The following CEP112 variants were observed in gnomAD, a reference collection of about 807,000 sequenced individuals.
CEP112 encodes centrosomal protein 112.
A neutral mutation model predicts 153.0 loss-of-function variants in CEP112; 127 were observed. That is an observed-to-expected ratio of 0.83 (90% CI 0.72 to 0.96). CEP112 has a LOEUF of 0.96. Ranked by LOEUF, CEP112 falls within the 40% of genes least tolerant of loss-of-function variation. The probability of loss-of-function intolerance (pLI) is 0.00; values close to 1 mark genes in which losing one functional copy is unlikely to be tolerated. For missense variants in CEP112, 1,089 were observed against 1,101.2 expected (o/e 0.99, Z 0.16); for synonymous variants, 358 against 374.4 (o/e 0.96, Z 0.51).
chr17:65,908,321 G>A (rs34865254), intron 19 of CEP112, among the ~76,000 whole-genome samples: 51,600 of 152,108 alleles, frequency 0.34, 11,270 homozygotes, highest in Non-Finnish European at 0.5. Flanking sequence ...AGCTAGGGTT[G>A]ACGGCTTGGT....
chr17:65,970,188 C>T (rs546885669), intron 17 of CEP112, among the ~76,000 whole-genome samples: 4 of 133,556 alleles, frequency 3.0e-5, no homozygotes, highest in East Asian at 3.6e-4. Context: ...GTATTACATG[C>T]ATATATGCTG....
intron 23 of CEP112, among the ~76,000 whole-genome samples, chr17:65,722,461 T>C (rs1598400394): frequency 6.6e-6 from 1 of 151,996 alleles, no homozygotes; most frequent in Non-Finnish European, 1.5e-5. Context: ...GTTGGCCAGG[T>C]TGGTCTCGAA....
chr17:65,699,751 C>T (rs898132780), intron 23 of CEP112, among the ~76,000 whole-genome samples: 3 of 152,130 alleles, frequency 2.0e-5, no homozygotes, highest in South Asian at 2.1e-4. Flanking sequence ...CATCAGCCTC[C>T]CAAGAAGCTG....
rs1429305467 is a variant in CEP112 at position 65,752,012 on chromosome 17, TTTCA to T, written c.2395-1292_2395-1289del. 1.8e-3 allele frequency among the ~76,000 whole-genome samples: 201 copies of T among 109,442 alleles called. 1 individual carries two copies. The highest frequency in any genetic ancestry group is 4.2e-3 in the Middle Eastern group (1 of 236). 71.8% of individuals were successfully genotyped at this position (109,442 alleles called of 152,430 possible). A position where few individuals can be genotyped will look rare whatever the true frequency, so the allele number is the denominator to read the frequency against. ...TATCTATCTATCTATCTACTGTTCC[TTTCA>T]TCCATCCATCCATCCATCCATCCAT... On this transcript the variant is annotated intron_variant, in intron 21 of 26. Coordinates refer to ENST00000535342, the MANE Select transcript of CEP112 (RefSeq NM_001199165.4).
chr17:66,104,598 G>A (rs2068701816), intron 6 of CEP112, among the ~76,000 whole-genome samples: 2 of 152,088 alleles, frequency 1.3e-5, no homozygotes, highest in South Asian at 4.1e-4. Context: ...GGAAGGGAGA[G>A]GGAAGACAAA....
chr17:65,769,617 T>C (rs148371748), intron 21 of CEP112, among the ~76,000 whole-genome samples: 1 of 152,130 alleles, frequency 6.6e-6, no homozygotes, highest in African/African-American at 2.4e-5. Context: ...TCCAAACATA[T>C]ATGGCCAACT....
chr17:66,155,643 A>T (rs230570), intron 4 of CEP112, among the ~76,000 whole-genome samples: 1 of 152,148 alleles, frequency 6.6e-6, no homozygotes, highest in Admixed American at 6.5e-5. Flanking sequence ...CTAAGATCCA[A>T]CGGCTTGAAA....
chr17:65,826,341 G>A, intron 21 of CEP112: 1 of 1,612,380 alleles, frequency 6.2e-7, no homozygotes, highest in Non-Finnish European at 8.5e-7. Flanking sequence ...AGTGATGAGA[G>A]CCCTCAGTGC....
intron 19 of CEP112, among the ~76,000 whole-genome samples, chr17:65,911,810 A>G (rs1401504748): frequency 1.3e-5 from 2 of 152,200 alleles, no homozygotes; most frequent in Non-Finnish European, 2.9e-5. Context: ...TTGTCTATAT[A>G]TCTACTTATC....
intron 10 of CEP112, among the ~76,000 whole-genome samples, chr17:66,064,313 A>G (rs1230111773): frequency 6.6e-6 from 1 of 152,178 alleles, no homozygotes; most frequent in Non-Finnish European, 1.5e-5. Flanking sequence ...CTTTTAAATC[A>G]TTTTTGAAGT....
chr17:65,857,676 T>C (rs2058171328), intron 20 of CEP112, among the ~76,000 whole-genome samples: 1 of 152,232 alleles, frequency 6.6e-6, no homozygotes, highest in Non-Finnish European at 1.5e-5. Context: ...AATTTGCTAA[T>C]GATTTTTGAG....
At chr17:65,724,056 A>T (rs1002779473) in intron 23 of CEP112, among the ~76,000 whole-genome samples, 1 of 148,566 alleles carries the variant, frequency 6.7e-6, no homozygotes, top group African/African-American at 2.4e-5. Flanking sequence ...CTCTTGAAAA[A>T]ATGGGGGTTG....
chr17:65,667,919 C>T (rs1398445057), intron 24 of CEP112, among the ~76,000 whole-genome samples: 6 of 147,654 alleles, frequency 4.1e-5, no homozygotes, highest in Middle Eastern at 3.6e-3. Flanking sequence ...TTTTTCGAGA[C>T]TGAGTCTCGC....
At chr17:66,127,865 T>G (rs2069923965) in intron 6 of CEP112, among the ~76,000 whole-genome samples, 1 of 152,164 alleles carries the variant, frequency 6.6e-6, no homozygotes, top group Non-Finnish European at 1.5e-5. Flanking sequence ...AGGCCAACAT[T>G]TCCGTTTCTC....
intron 18 of CEP112, among the ~76,000 whole-genome samples, chr17:65,935,068 T>G (rs2061260230): frequency 6.6e-6 from 1 of 152,188 alleles, no homozygotes; most frequent in African/African-American, 2.4e-5. Context: ...GTCCCACACT[T>G]CATACGTGGG....
intron 4 of CEP112, among the ~76,000 whole-genome samples, chr17:66,161,897 T>TA (rs35268651): frequency 0.95 from 142,313 of 149,976 alleles, 67,523 homozygotes; most frequent in East Asian, 0.97. Context: ...CATTACACTG[T>TA]AAAAAAAAAA....
chr17:66,036,959 T>C (rs947400980), intron 12 of CEP112, among the ~76,000 whole-genome samples: 6 of 152,160 alleles, frequency 3.9e-5, no homozygotes, highest in Admixed American at 3.9e-4. Context: ...TTTAATTGTG[T>C]AATTTGAAGG....
intron 24 of CEP112, among the ~76,000 whole-genome samples, chr17:65,648,071 C>A (rs1338266022): frequency 6.6e-6 from 1 of 152,038 alleles, no homozygotes; most frequent in Admixed American, 6.5e-5. Context: ...TCCTATTATA[C>A]CAGTGAGTGA....
At chr17:65,920,856 T>A (rs1187353181) in intron 19 of CEP112, among the ~76,000 whole-genome samples, 1 of 152,110 alleles carries the variant, frequency 6.6e-6, no homozygotes, top group African/African-American at 2.4e-5. Context: ...GTCTTCCTTC[T>A]ACTTTTGCAA....
Sources: gnomAD v4.1 joint callset for allele counts (sites outside exome capture counted in the v4.1 genomes callset) on GRCh38, gnomAD v4.1.1 for gene constraint, MANE v1.5 for transcripts, NCBI Gene and HGNC (gene_info 2026-07-23, HGNC 2026-07-21) for gene names.